The following FASTKD2 variants were observed in gnomAD, a reference collection of about 807,000 sequenced individuals.
The protein encoded by FASTKD2 is FAST kinase domain-containing protein 2, mitochondrial.
In FASTKD2, 51 loss-of-function variants were observed where a neutral mutation model predicts 63.6. The observed-to-expected ratio is 0.80, with a 90% CI of 0.64 to 1.01. The LOEUF is 1.01. Ranked by LOEUF, FASTKD2 falls within the 50% of genes least tolerant of loss-of-function variation. The pLI is 0.00. For missense variants in FASTKD2, 786 were observed against 831.1 expected, an observed-to-expected ratio of 0.95 and a Z score of 0.67; for synonymous variants, 284 against 293.4, an observed-to-expected ratio of 0.97 and a Z score of 0.33.
rs1690420161 is a variant in FASTKD2 at position 206,795,383 on chromosome 2, A to G, written c.*3581A>G. On this transcript the variant is annotated 3_prime_UTR_variant, in exon 12 of 12. Transcript: ENST00000402774. ...CGAGTAGCTGGGACTACAGGTGCCC[A>G]CCTCCATGCCCGGCTAATTTTTGTA... Among the ~76,000 whole-genome samples, 1 of 152,038 alleles carries G rather than the reference A, an allele frequency of 6.6e-6. No individual in the cohort carries two copies. The highest frequency in any genetic ancestry group is 1.5e-5 in the Non-Finnish European group (1 of 67,976).
chr2:206,790,279 C>G, intron 10 of FASTKD2: 1 of 354,700 alleles, frequency 2.8e-6, no homozygotes, highest in South Asian at 2.6e-5. Flanking sequence ...CACAGAAAAC[C>G]CTTAAAATTG....
chr2:206,766,001 G>T (rs1424546242), intron 1 of FASTKD2, among the ~76,000 whole-genome samples: 1 of 151,976 alleles, frequency 6.6e-6, no homozygotes, highest in Non-Finnish European at 1.5e-5. Context: ...TCAGCCGGGC[G>T]CGGTGACTCA....
Position 206,789,127 on chromosome 2 carries a change from A to G in FASTKD2, c.1898+224A>G, listed in dbSNP as rs1015054000. 25 of 514,182 alleles carry G rather than the reference A, an allele frequency of 4.9e-5. No homozygotes were observed. In the South Asian group the frequency reaches 6.0e-4, roughly 12 times the overall value. 31.9% of individuals were successfully genotyped at this position (514,182 alleles called of 1,614,324 possible). A position where few individuals can be genotyped will look rare whatever the true frequency, so the allele number is the denominator to read the frequency against. ...GTATTGGTCATTTAATGAGACAGACATTTTTTTAAAATTAGGTTTTGAAGC... is the reference window on the plus strand; with the variant it reads ...GTATTGGTCATTTAATGAGACAGACGTTTTTTTAAAATTAGGTTTTGAAGC... On this transcript the variant is annotated intron_variant, in intron 10 of 11. Transcript: ENST00000402774.
At chr2:206,770,243 A>C in intron 3 of FASTKD2, 49 bp downstream of exon 3, 1 of 1,165,620 alleles carries the variant, frequency 8.6e-7, no homozygotes, top group East Asian at 2.3e-5. Context: ...TGTTCCTCAT[A>C]TATCTGGAAT....
rs1371695299 is a variant in FASTKD2, at chr2:206,774,334, AC to A, written c.1365del (p.Asn455LysfsTer32). On this transcript the variant is annotated frameshift_variant, in exon 7 of 12. Coordinates refer to ENST00000402774, the MANE Select transcript of FASTKD2 (RefSeq NM_001136193.2). LOFTEE classifies it high-confidence loss of function. ...GATCCTGAATCCCTAAACATGAAAAACATTCTATCTATTCTTCATACTTACT... is the reference window on the plus strand; with the variant it reads ...GATCCTGAATCCCTAAACATGAAAAAATTCTATCTATTCTTCATACTTACT... The part of the protein sequence containing the change: ...VEDPESLNMK[N>X]ILSILHTYSS... 8 of 1,604,472 alleles carry A rather than the reference AC, an allele frequency of 5.0e-6. No individual in the cohort carries two copies. The highest frequency in any genetic ancestry group is 6.0e-6 in the Non-Finnish European group (7 of 1,171,874).
At position 206,788,002 on chromosome 2, in the gene FASTKD2, T is replaced by C; in HGVS notation, c.1660T>C (p.Tyr554His). ...TTGTCTAAAACTTGATGATACTGTCTATCTGAGGGACATAGCCTTGTCACT... is the reference window on the plus strand; with the variant it reads ...TTGTCTAAAACTTGATGATACTGTCCATCTGAGGGACATAGCCTTGTCACT... Reference protein sequence around the residue: ...DTCLKLDDTVYLRDIALSLPQ... With the variant: ...DTCLKLDDTVHLRDIALSLPQ... Residue 554 changes from tyrosine (Y) to histidine (H), a missense_variant, in exon 9 of 12, where the codon TAT (tyrosine) becomes CAT (histidine). Tyr to His is a moderately conservative substitution (Grantham distance 83). Transcript: ENST00000402774. The C allele has an allele frequency of 6.2e-7, 1 of 1,613,778 alleles. No homozygotes were observed. Among genetic ancestry groups the C allele is most frequent in the Non-Finnish European group, 8.5e-7 (1 of 1,179,720 alleles).
intron 10 of FASTKD2, chr2:206,789,412 T>C (rs1461933739): frequency 6.4e-6 from 1 of 156,710 alleles, no homozygotes; most frequent in Non-Finnish European, 1.4e-5. Context: ...ACATTACAAA[T>C]AGAGTGTCTC....
At chr2:206,790,957 A>G (rs1690269514) in intron 11 of FASTKD2, 4 of 371,236 alleles carry the variant, frequency 1.1e-5, no homozygotes, top group South Asian at 1.1e-4. Flanking sequence ...AATGCAAATA[A>G]TATATTTTCA....
At chr2:206,770,256 A>T in intron 3 of FASTKD2, 62 bp downstream of exon 3, 1 of 1,087,082 alleles carries the variant, frequency 9.2e-7, no homozygotes, top group Non-Finnish European at 1.4e-6. Flanking sequence ...TCTGGAATAA[A>T]AAAATTGAGA....
In FASTKD2 at chr2:206,793,137, G is replaced by A. The variant is rs886055513; in HGVS notation, c.*1335G>A. On this transcript the variant is annotated 3_prime_UTR_variant, in exon 12 of 12. Coordinates refer to ENST00000402774, the MANE Select transcript of FASTKD2 (RefSeq NM_001136193.2). The stretch of plus-strand genomic sequence containing the variant: ...CTGGGGAGGCTGAGGCAGGGGAATC[G>A]CTTGAACCCGGGAGGTGGAGATTGC... 6.9e-6 allele frequency among the ~76,000 whole-genome samples: 1 copy of A among 145,528 alleles called. No individual in the cohort carries two copies. The highest frequency in any genetic ancestry group is 2.6e-5 in the African/African-American group (1 of 38,824).
Position 206,794,773 on chromosome 2 carries a change from A to G in FASTKD2, c.*2971A>G, listed in dbSNP as rs1390499984. ...GACCTCAAATGCAATTGAACTATTC[A>G]TATCAAGTATTTCCAAATAACAATG... On this transcript the variant is annotated 3_prime_UTR_variant, in exon 12 of 12. Transcript: ENST00000402774. 6.6e-6 allele frequency among the ~76,000 whole-genome samples: 1 copy of G among 152,238 alleles called. No homozygotes were observed. The highest frequency in any genetic ancestry group is 1.5e-5 in the Non-Finnish European group (1 of 68,042).
intron 7 of FASTKD2, among the ~76,000 whole-genome samples, chr2:206,776,477 A>G (rs987282439): frequency 6.6e-5 from 10 of 151,702 alleles, no homozygotes; most frequent in Non-Finnish European, 1.3e-4. Context: ...TCTCCTACAC[A>G]TTTTCTTTTA....
At position 206,772,228 on chromosome 2, in the gene FASTKD2, T is replaced by A. The variant is rs1228716162; in HGVS notation, c.1162T>A (p.Ser388Thr). Residue 388 changes from serine to threonine, a missense_variant, in exon 6 of 12, where the codon TCC becomes ACC. Ser to Thr is a moderately conservative substitution (Grantham distance 58). Transcript: ENST00000402774. ...AAGAATAATGATCAACATATTGCAG[T>A]CCTGCAAAGACCTCCAGTACCATAA... The part of the protein sequence containing the change: ...PLRIMINILQ[S>T]CKDLQYHNLD... 1 of 1,613,352 alleles carries A rather than the reference T, an allele frequency of 6.2e-7. No homozygotes were observed. The highest frequency in any genetic ancestry group is 8.5e-7 in the Non-Finnish European group (1 of 1,179,252).
In FASTKD2 at chr2:206,795,036, G is replaced by GT. The variant is rs5838044; in HGVS notation, c.*3234_*3235insT. Among the ~76,000 whole-genome samples the GT allele has an allele frequency of 0.41, 62,615 of 151,954 alleles. 14,537 individuals carry two copies. Among genetic ancestry groups the GT allele is most frequent in the East Asian group, 0.82 (4,210 of 5,152 alleles). On this transcript the variant is annotated 3_prime_UTR_variant, in exon 12 of 12. Coordinates refer to ENST00000402774, the MANE Select transcript of FASTKD2 (RefSeq NM_001136193.2). ...GCAAGCCACTTAGGTAGCTGGCGAG[G>GT]GACGTGGCACAGCCTTGTCTTCACA...
intron 2 of FASTKD2, among the ~76,000 whole-genome samples, chr2:206,769,685 G>C (rs1449836140): frequency 6.6e-6 from 1 of 152,216 alleles, no homozygotes; most frequent in Non-Finnish European, 1.5e-5. Context: ...AGGATCTTTA[G>C]AGATGGGCTA....
At chr2:206,769,498 C>A (rs1428975364) in intron 2 of FASTKD2, among the ~76,000 whole-genome samples, 1 of 152,178 alleles carries the variant, frequency 6.6e-6, no homozygotes, top group Non-Finnish European at 1.5e-5. Context: ...TGGAATCAAA[C>A]TTAGTACCCT....
At position 206,774,443 on chromosome 2, in the gene FASTKD2, C is replaced by T. The variant is rs377440572; in HGVS notation, c.1427+46C>T. On this transcript the variant is annotated intron_variant, in intron 7 of 11. Coordinates refer to ENST00000402774, the MANE Select transcript of FASTKD2 (RefSeq NM_001136193.2). ...ACCTTTTTTATTGCCATATAACTTA[C>T]AAAAAAGGTTATAAATCATAAGCTT... 10 of 1,220,992 alleles carry T rather than the reference C, an allele frequency of 8.2e-6. No homozygotes were observed. The African/African-American group carries it at 1.4e-4, about 17-fold the overall frequency. 75.6% of individuals were successfully genotyped at this position (1,220,992 alleles called of 1,614,324 possible). A position where few individuals can be genotyped will look rare whatever the true frequency, so the allele number is the denominator to read the frequency against.
rs1690322677 is a variant in FASTKD2, at chr2:206,792,743, G to C, written c.*941G>C. The stretch of plus-strand genomic sequence containing the variant: ...TACTAGACATCTTAGTATGTGCCGG[G>C]CACTGCTAAGTATTCATTTGTGTGC... On this transcript the variant is annotated 3_prime_UTR_variant, in exon 12 of 12. Coordinates refer to ENST00000402774, the MANE Select transcript of FASTKD2 (RefSeq NM_001136193.2). Among the ~76,000 whole-genome samples, 2 of 152,104 alleles carry C rather than the reference G, an allele frequency of 1.3e-5. No homozygotes were observed. The highest frequency in any genetic ancestry group is 2.1e-4 in the South Asian group (1 of 4,826).
At position 206,766,658 on chromosome 2, in the gene FASTKD2, G is replaced by A. The variant is rs781534706; in HGVS notation, c.-36G>A. The A allele has an allele frequency of 5.1e-6, 8 of 1,579,414 alleles. No homozygotes were observed. In the South Asian group the frequency reaches 5.5e-5, roughly 11 times the overall value. Reference sequence around the variant, plus strand: ...TTCCCCTACAGGAAAACGACAGCACGTGTTCTTTTTCACTAGTAGAAGTGA... The same window carrying A: ...TTCCCCTACAGGAAAACGACAGCACATGTTCTTTTTCACTAGTAGAAGTGA... On this transcript the variant is annotated 5_prime_UTR_variant, in exon 2 of 12. The change creates a new upstream start codon in the 5' untranslated region. Transcript: ENST00000402774.
Sources: gnomAD v4.1 joint callset for allele counts (sites outside exome capture counted in the v4.1 genomes callset) on GRCh38, gnomAD v4.1.1 for gene constraint, MANE v1.5 for transcripts, NCBI Gene and HGNC (gene_info 2026-07-23, HGNC 2026-07-21) for gene names.